Variants in SYT9 observed in about 807,000 individuals in gnomAD.
SYT9 encodes the protein synaptotagmin 9, also known as synaptotagmin-9.
Under a neutral mutation model 48.4 loss-of-function variants are expected in SYT9, and 22 were observed. That is an observed-to-expected ratio of 0.45 (90% CI 0.32 to 0.65). The LOEUF (loss-of-function observed/expected upper bound fraction) is 0.65, where lower values mean the gene tolerates loss of function less well. Among genes scored for constraint, SYT9 ranks in the 30% least tolerant of loss-of-function variants. SYT9 has a pLI of 0.03. For missense variants in SYT9, 577 were observed against 622.0 expected (o/e 0.93, Z 0.77); for synonymous variants, 265 against 245.0 (o/e 1.08, Z -0.76).
chr11:7,305,009 A>G (rs2133940308), intron 2 of SYT9, among the ~76,000 whole-genome samples: 1 of 152,318 alleles, frequency 6.6e-6, no homozygotes, highest in African/African-American at 2.4e-5. Context: ...ACTCTGCCAT[A>G]ATTCTAACAA....
At chr11:7,399,296 A>C (rs1432330765) in intron 3 of SYT9, among the ~76,000 whole-genome samples, 1 of 152,176 alleles carries the variant, frequency 6.6e-6, no homozygotes, top group Non-Finnish European at 1.5e-5. Context: ...AGCAGAAGTT[A>C]ATTTAAAAAA....
At chr11:7,464,670 A>C (rs909781852) in intron 6 of SYT9, among the ~76,000 whole-genome samples, 2 of 152,150 alleles carry the variant, frequency 1.3e-5, no homozygotes, top group African/African-American at 4.8e-5. Flanking sequence ...CCTGTTAACA[A>C]TTTGCTTTCT....
chr11:7,443,471 T>G (rs1003165351), intron 6 of SYT9, among the ~76,000 whole-genome samples: 2 of 152,014 alleles, frequency 1.3e-5, no homozygotes, highest in Non-Finnish European at 1.5e-5. Context: ...GCACAGCCCG[T>G]GCACATGGTA....
chr11:7,415,739 G>T (rs1192760645), intron 3 of SYT9, among the ~76,000 whole-genome samples: 1 of 152,076 alleles, frequency 6.6e-6, no homozygotes, highest in African/African-American at 2.4e-5. Flanking sequence ...GATGTGTTCT[G>T]GGCTACCTGG....
intron 3 of SYT9, among the ~76,000 whole-genome samples, chr11:7,358,783 C>A (rs1042184919): frequency 3.3e-5 from 5 of 152,066 alleles, no homozygotes; most frequent in Admixed American, 6.6e-5. Flanking sequence ...TGGTAATAAA[C>A]CCTACTTTGT....
intron 3 of SYT9, among the ~76,000 whole-genome samples, chr11:7,374,680 G>A (rs948288636): frequency 2.0e-5 from 3 of 152,106 alleles, no homozygotes; most frequent in African/African-American, 4.8e-5. Context: ...ATGATGATGC[G>A]CTTTTTGCCA....
At chr11:7,394,627 ACTTTT>A (rs1156842429) in intron 3 of SYT9, among the ~76,000 whole-genome samples, 1 of 152,076 alleles carries the variant, frequency 6.6e-6, no homozygotes, top group Non-Finnish European at 1.5e-5. Flanking sequence ...CAGAGAACAA[ACTTTT>A]CATTTCATTG....
At chr11:7,354,497 C>G (rs1849979389) in intron 3 of SYT9, among the ~76,000 whole-genome samples, 1 of 152,188 alleles carries the variant, frequency 6.6e-6, no homozygotes, top group African/African-American at 2.4e-5. Context: ...GGAACATACA[C>G]TGAGGGATGC....
chr11:7,279,839 T>A (rs1363536743), intron 1 of SYT9, among the ~76,000 whole-genome samples: 1 of 152,206 alleles, frequency 6.6e-6, no homozygotes, highest in Non-Finnish European at 1.5e-5. Flanking sequence ...TTCCTCTACA[T>A]CTAATTGCCC....
At position 7,303,021 on chromosome 11, in the gene SYT9, A is replaced by G; in HGVS notation, c.146-18A>G. On this transcript the variant is annotated intron_variant, in intron 1 of 6. Transcript: ENST00000318881. ...AGGGGAATGACCACACTGACCTTTG[A>G]TCTTTGCTTCTTTGCAGATATCTCA... 6.2e-7 allele frequency: 1 copy of G among 1,609,546 alleles called. No individual in the cohort carries two copies. Among genetic ancestry groups the G allele is most frequent in the Non-Finnish European group, 8.5e-7 (1 of 1,176,250 alleles).
intron 3 of SYT9, among the ~76,000 whole-genome samples, chr11:7,346,985 A>G (rs1849812017): frequency 6.6e-6 from 1 of 152,260 alleles, no homozygotes; most frequent in South Asian, 2.1e-4. Flanking sequence ...GTCTCAAAGG[A>G]CCATTTCTGC....
intron 3 of SYT9, among the ~76,000 whole-genome samples, chr11:7,385,596 A>G (rs1850643117): frequency 6.6e-6 from 1 of 152,122 alleles, no homozygotes. Flanking sequence ...CCAAATCCCC[A>G]TGATACACAA....
intron 3 of SYT9, among the ~76,000 whole-genome samples, chr11:7,354,204 T>A (rs1470213860): frequency 2.0e-5 from 3 of 152,180 alleles, no homozygotes; most frequent in Non-Finnish European, 4.4e-5. Flanking sequence ...TGAATCCTCT[T>A]TGGACACAAC....
At chr11:7,334,634 C>CTCGCTGCCACCCATCCCCCCCA (rs760477407) in intron 3 of SYT9, among the ~76,000 whole-genome samples, 57 of 139,990 alleles carry the variant, frequency 4.1e-4, no homozygotes, top group South Asian at 7.4e-4. Flanking sequence ...CCTGCCTCCA[C>CTCGCTGCCACCCATCCCCCCCA]TCCCTGCCAC....
chr11:7,303,925 G>A (rs1434608735), intron 2 of SYT9, among the ~76,000 whole-genome samples: 3 of 152,130 alleles, frequency 2.0e-5, no homozygotes, highest in Admixed American at 6.5e-5. Flanking sequence ...GTCTTTGTCC[G>A]TCTCCAGCCT....
At chr11:7,306,120 C>G (rs1849026104) in intron 2 of SYT9, among the ~76,000 whole-genome samples, 1 of 152,094 alleles carries the variant, frequency 6.6e-6, no homozygotes, top group Non-Finnish European at 1.5e-5. Flanking sequence ...AATGAAGTCC[C>G]TTTTGTACAG....
chr11:7,458,577 A>G (rs1338597396), intron 6 of SYT9, among the ~76,000 whole-genome samples: 1 of 152,234 alleles, frequency 6.6e-6, no homozygotes, highest in African/African-American at 2.4e-5. Context: ...GTTAATTTTA[A>G]TGGAGGTAAT....
At chr11:7,456,950 CA>C (rs1385448898) in intron 6 of SYT9, 86 of 152,340 alleles carry the variant, frequency 5.6e-4, no homozygotes, top group African/African-American at 2.0e-3. Context: ...TACACTCCTT[CA>C]AGTACTAAAG....
chr11:7,303,414 G>A, intron 2 of SYT9, 24 bp downstream of exon 2: 2 of 1,564,626 alleles, frequency 1.3e-6, no homozygotes, highest in South Asian at 1.2e-5. Flanking sequence ...TCTCCTTTCT[G>A]AATGCAAGGA....
Sources: allele counts gnomAD v4.1 joint callset (sites outside exome capture counted in the v4.1 genomes callset), GRCh38; gene constraint gnomAD v4.1.1; transcripts MANE v1.5; gene names NCBI Gene and HGNC (gene_info 2026-07-23, HGNC 2026-07-21).